SLIT3: variants seen among roughly 807,000 people sequenced by gnomAD.
SLIT3 encodes the protein slit guidance ligand 3.
In SLIT3, 68 loss-of-function variants were observed where a neutral mutation model predicts 184.0. The ratio of observed to expected loss-of-function variants is 0.37; its 90% confidence interval spans 0.30 to 0.45. The LOEUF (loss-of-function observed/expected upper bound fraction) is 0.45, where lower values mean the gene tolerates loss of function less well. Among genes scored for constraint, SLIT3 ranks in the 20% least tolerant of loss-of-function variants. The pLI is 1.00. For synonymous variants in SLIT3, 831 were observed against 828.6 expected (o/e 1.00, Z -0.05); for missense variants, 1,707 against 2,026.0 (o/e 0.84, Z 3.02).
chr5:168,862,188 C>T (rs1449003281), intron 5 of SLIT3, among the ~76,000 whole-genome samples: 1 of 152,094 alleles, frequency 6.6e-6, no homozygotes, highest in Non-Finnish European at 1.5e-5. Flanking sequence ...AAGAATGATA[C>T]GTTGGACTTT....
chr5:169,185,904 T>C (rs1257113556), intron 4 of SLIT3, among the ~76,000 whole-genome samples: 1 of 152,238 alleles, frequency 6.6e-6, no homozygotes, highest in Non-Finnish European at 1.5e-5. Flanking sequence ...CAACTTTGGC[T>C]CAGCCAGTTA....
At chr5:169,252,676 T>G (rs1765816654) in intron 1 of SLIT3, among the ~76,000 whole-genome samples, 1 of 152,194 alleles carries the variant, frequency 6.6e-6, no homozygotes, top group Non-Finnish European at 1.5e-5. Flanking sequence ...CTGTGAATTG[T>G]CTTTTCTTTC....
At chr5:169,218,807 A>G (rs903697657) in intron 3 of SLIT3, among the ~76,000 whole-genome samples, 1 of 152,232 alleles carries the variant, frequency 6.6e-6, no homozygotes, top group African/African-American at 2.4e-5. Context: ...TTCAAGGCAG[A>G]ATGCAGAATG....
At chr5:168,829,685 G>T (rs1757817245) in intron 6 of SLIT3, among the ~76,000 whole-genome samples, 1 of 152,234 alleles carries the variant, frequency 6.6e-6, no homozygotes, top group South Asian at 2.1e-4. Flanking sequence ...AGAAGAAAGT[G>T]CAATCTCTGC....
At chr5:169,050,149 C>A (rs1055461853) in intron 4 of SLIT3, among the ~76,000 whole-genome samples, 1 of 152,172 alleles carries the variant, frequency 6.6e-6, no homozygotes, top group Non-Finnish European at 1.5e-5. Context: ...TTTGCTGGGC[C>A]ACACTGTCTG....
At position 169,178,574 on chromosome 5, in the gene SLIT3, C is replaced by T. The variant is rs144365067; in HGVS notation, c.413+14905G>A. Among the ~76,000 whole-genome samples the T allele has an allele frequency of 1.2e-4, 18 of 152,234 alleles. No homozygotes were observed. In the East Asian group the frequency reaches 2.3e-3, roughly 20 times the overall value. On this transcript the variant is annotated intron_variant, in intron 4 of 35. Transcript: ENST00000519560. ...AGACTAAAACAAACCTGAGATATAC[C>T]GCACCCCACCACACACACACGATTC...
At chr5:168,912,068 C>A (rs749396732) in intron 4 of SLIT3, among the ~76,000 whole-genome samples, 37 of 152,234 alleles carry the variant, frequency 2.4e-4, no homozygotes, top group Admixed American at 5.2e-4. Flanking sequence ...ACCTCCTCTT[C>A]TTCCTCCTGC....
intron 4 of SLIT3, among the ~76,000 whole-genome samples, chr5:169,158,721 C>G (rs1314616184): frequency 6.6e-6 from 1 of 152,118 alleles, no homozygotes; most frequent in Non-Finnish European, 1.5e-5. Flanking sequence ...GGTTTCTACA[C>G]TTCAGTTTAA....
At chr5:168,711,830 GTGTAAAATAAGAAGGGAATACC>G (rs1266564614) in intron 24 of SLIT3, among the ~76,000 whole-genome samples, 5 of 152,142 alleles carry the variant, frequency 3.3e-5, no homozygotes, top group African/African-American at 9.7e-5. Flanking sequence ...AGTTTTTCCT[GTGTAAAATAAGAAGGGAATACC>G]TGTTGCAGAG....
intron 1 of SLIT3, among the ~76,000 whole-genome samples, chr5:169,289,228 C>A (rs967830854): frequency 2.0e-5 from 3 of 152,168 alleles, no homozygotes; most frequent in Non-Finnish European, 2.9e-5. Context: ...AATTGTACTC[C>A]CCCTTGGCTT....
At chr5:169,141,041 C>T (rs900150029) in intron 4 of SLIT3, among the ~76,000 whole-genome samples, 4 of 152,316 alleles carry the variant, frequency 2.6e-5, no homozygotes, top group South Asian at 4.1e-4. Flanking sequence ...ACTCAACTTA[C>T]GTTTTTTCCT....
At position 169,300,753 on chromosome 5, in the gene SLIT3, C is replaced by A; in HGVS notation, c.-44G>T. ...CCTGGAGGAGGCTGCCTCTGCGGGGCAAGACGCGTGGAGCCCGAGGAGGCG... is the reference window on the plus strand; with the variant it reads ...CCTGGAGGAGGCTGCCTCTGCGGGGAAAGACGCGTGGAGCCCGAGGAGGCG... On this transcript the variant is annotated 5_prime_UTR_variant, in exon 1 of 36. Transcript: ENST00000519560. This position sits in a 1 kb window ranked among gnomAD's most constrained non-coding sequence, Gnocchi z 4.1. 3 of 1,279,536 alleles carry A rather than the reference C, an allele frequency of 2.3e-6. No homozygotes were observed. The highest frequency in any genetic ancestry group is 2.0e-6 in the Non-Finnish European group (2 of 1,015,884). 79.3% of individuals were successfully genotyped at this position (1,279,536 alleles called of 1,614,324 possible).
intron 5 of SLIT3, among the ~76,000 whole-genome samples, chr5:168,873,749 T>C (rs868536072): frequency 6.6e-6 from 1 of 151,978 alleles, no homozygotes; most frequent in Non-Finnish European, 1.5e-5. Context: ...CTCTATTTTA[T>C]AGACTAAGAG....
At position 169,142,700 on chromosome 5, in the gene SLIT3, G is replaced by T. The variant is rs1238602458; in HGVS notation, c.413+50779C>A. Among the ~76,000 whole-genome samples, 6 of 152,284 alleles carry T rather than the reference G, an allele frequency of 3.9e-5. No individual in the cohort carries two copies. In the East Asian group the frequency reaches 1.2e-3, roughly 29 times the overall value. ...ACTGGGGGATTTCACTAATGTTCAT[G>T]TCTCTGCTAAACTTTGCCACCCTCT... is the stretch of plus-strand genomic sequence containing the variant. On this transcript the variant is annotated intron_variant, in intron 4 of 35. Coordinates refer to ENST00000519560, the MANE Select transcript of SLIT3 (RefSeq NM_003062.4).
At chr5:168,692,974 T>TCAGGGG (rs1449782457) in intron 28 of SLIT3, among the ~76,000 whole-genome samples, 1 of 152,174 alleles carries the variant, frequency 6.6e-6, no homozygotes. Context: ...ACTTGATCTT[T>TCAGGGG]CAGGGGCAGG....
chr5:169,248,224 G>T (rs1432448415), intron 2 of SLIT3, among the ~76,000 whole-genome samples: 1 of 151,996 alleles, frequency 6.6e-6, no homozygotes, highest in Non-Finnish European at 1.5e-5. Context: ...TCTCCTCTAC[G>T]TTTCTCTTAA....
At chr5:168,666,806 C>A in intron 35 of SLIT3, 117 bp from the exon 36 acceptor site, 1 of 1,513,740 alleles carries the variant, frequency 6.6e-7, no homozygotes, top group Non-Finnish European at 8.9e-7. Flanking sequence ...AGAATTTATT[C>A]ACTCATCCAT....
At chr5:169,063,093 T>C (rs983858138) in intron 4 of SLIT3, among the ~76,000 whole-genome samples, 6 of 152,222 alleles carry the variant, frequency 3.9e-5, no homozygotes, top group African/African-American at 1.4e-4. Flanking sequence ...GAAGCTTGGA[T>C]AAATTAGCAC....
In SLIT3 at chr5:168,774,240, C is replaced by T; in HGVS notation, c.1290G>A (p.Gln430=). 1 of 1,610,404 alleles carries T rather than the reference C, an allele frequency of 6.2e-7. No individual in the cohort carries two copies. Among genetic ancestry groups the T allele is most frequent in the Non-Finnish European group, 8.5e-7 (1 of 1,178,276 alleles). The change falls in exon 13 of 36, where the codon CAG becomes CAA. Residue 430 remains glutamine (Q), a synonymous_variant. Transcript: ENST00000519560. ...ACCCGAGGCAGTGTACTCACAGTGT[C>T]TGGATGGACTGCAGAGGGGCGAAGA... The part of the protein sequence containing the change: ...KGLFAPLQSI[Q]TLHLAQNPFV...
Sources: allele counts gnomAD v4.1 joint callset (sites outside exome capture counted in the v4.1 genomes callset), GRCh38; gene constraint gnomAD v4.1.1; non-coding constraint Gnocchi (gnomAD v3.1); transcripts MANE v1.5; gene names NCBI Gene and HGNC (gene_info 2026-07-23, HGNC 2026-07-21).